RBPJ: variants seen among roughly 807,000 people sequenced by gnomAD.
The protein encoded by RBPJ is recombining binding protein suppressor of hairless.
Under a neutral mutation model 67.8 loss-of-function variants are expected in RBPJ, and 9 were observed. The observed-to-expected ratio is 0.13, with a 90% CI of 0.08 to 0.23. The LOEUF (loss-of-function observed/expected upper bound fraction) is 0.23, where lower values mean the gene tolerates loss of function less well. RBPJ is among the 10% of genes least tolerant of loss of function. The probability of loss-of-function intolerance (pLI) is 1.00; values close to 1 mark genes in which losing one functional copy is unlikely to be tolerated. For missense variants in RBPJ, 305 were observed against 595.6 expected (o/e 0.51, Z 5.08); for synonymous variants, 198 against 203.3 (o/e 0.97, Z 0.22).
chr4:26,229,643 C>T (rs967299218), intron 1 of RBPJ, among the ~76,000 whole-genome samples: 1 of 152,140 alleles, frequency 6.6e-6, no homozygotes, highest in Non-Finnish European at 1.5e-5. Context: ...GTTTACATCC[C>T]ATCTCTGCCA....
intron 1 of RBPJ, among the ~76,000 whole-genome samples, chr4:26,363,131 A>G (rs922404332): frequency 6.6e-6 from 1 of 151,984 alleles, no homozygotes; most frequent in African/African-American, 2.4e-5. Flanking sequence ...TGAGTTATTT[A>G]TTTATTTTTT....
chr4:26,216,221 A>G (rs149619648), intron 1 of RBPJ, among the ~76,000 whole-genome samples: 82 of 152,182 alleles, frequency 5.4e-4, no homozygotes, highest in African/African-American at 1.9e-3. Context: ...CTTTATCAGG[A>G]TATCTTTAAG....
chr4:26,409,778 G>A (rs535779487), intron 3 of RBPJ, among the ~76,000 whole-genome samples: 7 of 152,132 alleles, frequency 4.6e-5, no homozygotes, highest in East Asian at 3.9e-4. Flanking sequence ...GATTACGGGC[G>A]TGAGCCACCG....
intron 2 of RBPJ, among the ~76,000 whole-genome samples, chr4:26,405,025 C>T (rs1453813558): frequency 5.3e-5 from 8 of 152,164 alleles, no homozygotes; most frequent in Non-Finnish European, 1.2e-4. Flanking sequence ...GATTAGTTCT[C>T]AGTCTATTTA....
At chr4:26,144,267 C>T in the RBPJ span, among the ~76,000 whole-genome samples, 395 of 105,864 alleles carry the variant, frequency 3.7e-3, no homozygotes, top group Middle Eastern at 8.6e-3. Flanking sequence ...TAAGAAAATT[C>T]TTTTTTTTTT....
At chr4:26,183,449 C>A (rs922388514) in intron 1 of RBPJ, among the ~76,000 whole-genome samples, 1 of 152,210 alleles carries the variant, frequency 6.6e-6, no homozygotes, top group Non-Finnish European at 1.5e-5. Flanking sequence ...ACCACCTGCC[C>A]CATTACTCGC....
intron 4 of RBPJ, among the ~76,000 whole-genome samples, chr4:26,416,797 T>G (rs1734639458): frequency 6.6e-6 from 1 of 152,170 alleles, no homozygotes; most frequent in Non-Finnish European, 1.5e-5. Context: ...ACTCTCAAAT[T>G]GAATTTTAGT....
Position 26,220,888 on chromosome 4 carries a change from T to G in RBPJ, c.-167+57274T>G, listed in dbSNP as rs550730340. Among the ~76,000 whole-genome samples the G allele has an allele frequency of 3.3e-5, 5 of 152,354 alleles. No homozygotes were observed. The East Asian group carries it at 5.8e-4, about 18-fold the overall frequency. ...CACTGCACCGCAGTGGTGAGATCACTATGAGGAAATTCATCTGGGGCCCAA... is the reference window on the plus strand; with the variant it reads ...CACTGCACCGCAGTGGTGAGATCACGATGAGGAAATTCATCTGGGGCCCAA... On this transcript the variant is annotated intron_variant, in intron 1 of 4. Transcript: ENST00000512351.
chr4:26,162,191 C>T (rs1027867580), upstream of RBPJ, among the ~76,000 whole-genome samples: 12 of 152,138 alleles, frequency 7.9e-5, no homozygotes, highest in African/African-American at 2.2e-4. Context: ...AACTCAAGGC[C>T]CAAGGGGTTG....
chr4:26,380,480 AT>A (rs368253853), intron 1 of RBPJ, among the ~76,000 whole-genome samples: 3 of 151,906 alleles, frequency 2.0e-5, no homozygotes, highest in African/African-American at 7.3e-5. Context: ...CCTGTTATGT[AT>A]TTTTTTTGTG....
At chr4:26,315,167 A>AATATATATATATATAT (rs67496694), upstream of RBPJ, among the ~76,000 whole-genome samples, 4 of 74,758 alleles carry the variant, frequency 5.4e-5, no homozygotes, top group African/African-American at 2.0e-4. Context: ...AAAAAAAAAA[A>AATATATATATATATAT]ATATATATAT....
intron 1 of RBPJ, among the ~76,000 whole-genome samples, chr4:26,348,259 C>T (rs949127359): frequency 1.3e-5 from 2 of 152,164 alleles, no homozygotes; most frequent in Admixed American, 1.3e-4. Context: ...TCATCGTGCC[C>T]GGCCTGCTGT....
intron 1 of RBPJ, among the ~76,000 whole-genome samples, chr4:26,286,066 C>CAGTGCGCTATGATCGTGCCGCTGA (rs1721456838): frequency 6.6e-6 from 1 of 152,224 alleles, no homozygotes; most frequent in Non-Finnish European, 1.5e-5. Flanking sequence ...CGTGCCGCTG[C>CAGTGCGCTATGATCGTGCCGCTGA]ACTCCAGTCT....
chr4:26,332,603 A>T (rs1724374731), intron 1 of RBPJ, among the ~76,000 whole-genome samples: 1 of 152,130 alleles, frequency 6.6e-6, no homozygotes, highest in Non-Finnish European at 1.5e-5. Context: ...AATCATCTTG[A>T]TTATTTTTCT....
At chr4:26,125,901 G>T in the RBPJ span, among the ~76,000 whole-genome samples, 1 of 152,086 alleles carries the variant, frequency 6.6e-6, no homozygotes, top group African/African-American at 2.4e-5. Context: ...AATGCAGCTG[G>T]AGAGGCAGCA....
intron 1 of RBPJ, among the ~76,000 whole-genome samples, chr4:26,182,343 A>G (rs1717038301): frequency 6.6e-6 from 1 of 152,176 alleles, no homozygotes; most frequent in Non-Finnish European, 1.5e-5. Flanking sequence ...CTCCGTCTCA[A>G]AAAAACAAAC....
chr4:26,274,493 C>G (rs1721015450), intron 1 of RBPJ, among the ~76,000 whole-genome samples: 1 of 152,106 alleles, frequency 6.6e-6, no homozygotes, highest in Admixed American at 6.5e-5. Flanking sequence ...TAGCCTGGCA[C>G]AGTGGCATGT....
chr4:26,144,766 C>T, the RBPJ span, among the ~76,000 whole-genome samples: 2 of 152,206 alleles, frequency 1.3e-5, no homozygotes, highest in African/African-American at 4.8e-5. Context: ...TCTAGTCCCA[C>T]ATGCAATGCA....
chr4:26,371,687 T>C (rs919670234), intron 1 of RBPJ, among the ~76,000 whole-genome samples: 1 of 152,354 alleles, frequency 6.6e-6, no homozygotes, highest in East Asian at 1.9e-4. Flanking sequence ...CTTCATATTC[T>C]CAAATTGGAA....
Sources: gnomAD v4.1 joint callset for allele counts (sites outside exome capture counted in the v4.1 genomes callset) on GRCh38, gnomAD v4.1.1 for gene constraint, MANE v1.5 for transcripts, NCBI Gene and HGNC (gene_info 2026-07-23, HGNC 2026-07-21) for gene names.